DAZAP1: variants seen among roughly 807,000 people sequenced by gnomAD.
DAZAP1 encodes DAZ-associated protein 1.
In DAZAP1, 6 loss-of-function variants were observed where a neutral mutation model predicts 60.1. The observed-to-expected ratio is 0.10, with a 90% CI of 0.05 to 0.20. The LOEUF (loss-of-function observed/expected upper bound fraction) is 0.20. Among genes scored for constraint, DAZAP1 ranks in the 10% least tolerant of loss-of-function variants. The pLI, the probability that DAZAP1 is intolerant of heterozygous loss-of-function variation, is 1.00. For missense variants in DAZAP1, 366 were observed against 560.4 expected, an observed-to-expected ratio of 0.65 and a Z score of 3.50; for synonymous variants, 235 against 215.9, an observed-to-expected ratio of 1.09 and a Z score of -0.78.
Position 1,413,199 on chromosome 19 carries a change from C to T in DAZAP1, c.30-4301C>T, listed in dbSNP as rs574225394. Among the ~76,000 whole-genome samples the T allele has an allele frequency of 5.3e-5, 8 of 152,356 alleles. No homozygotes were observed. The South Asian group carries it at 1.7e-3, about 32-fold the overall frequency. On this transcript the variant is annotated intron_variant, in intron 1 of 11. Transcript: ENST00000233078. ...GAGCTGAGGACAAGCGGACCGCCAGCCCCGTAGCAAGCCCACGAGAGCCAG... is the reference window on the plus strand; with the variant it reads ...GAGCTGAGGACAAGCGGACCGCCAGTCCCGTAGCAAGCCCACGAGAGCCAG...
rs1433187642 is a variant in DAZAP1, at chr19:1,433,372, C to T, written c.1048+682C>T. 1 of 284,512 alleles carries T rather than the reference C, an allele frequency of 3.5e-6. No homozygotes were observed. Among genetic ancestry groups the T allele is most frequent in the African/African-American group, 2.2e-5 (1 of 44,970 alleles). 17.6% of individuals were successfully genotyped at this position (284,512 alleles called of 1,614,324 possible). ...GGGCTCCAACTACGGTCAGCTCCTCCAGCACCAGGGGTCATTCACAAGCAG... is the reference window on the plus strand; with the variant it reads ...GGGCTCCAACTACGGTCAGCTCCTCTAGCACCAGGGGTCATTCACAAGCAG... On this transcript the variant is annotated intron_variant, in intron 11 of 11. Coordinates refer to ENST00000233078, the MANE Select transcript of DAZAP1 (RefSeq NM_018959.4). This position sits in a 1 kb window ranked among gnomAD's most constrained non-coding sequence, Gnocchi z 6.1.
chr19:1,418,566 C>CT lies in DAZAP1; in HGVS notation c.238-100_238-99insT. ...GGTGAATGGAGCCGGCGGGGCGGGG[C>CT]GGGCCGGGCTGCTGTGCCGTGGCTG... On this transcript the variant is annotated intron_variant, in intron 3 of 11. Coordinates refer to ENST00000233078, the MANE Select transcript of DAZAP1 (RefSeq NM_018959.4). The surrounding 1 kb of genome is among the most constrained non-coding windows in gnomAD (Gnocchi z 5.7). 1 of 1,502,916 alleles carries CT rather than the reference C, an allele frequency of 6.7e-7. No individual in the cohort carries two copies. The highest frequency in any genetic ancestry group is 9.2e-7 in the Non-Finnish European group (1 of 1,082,732). The allele number at this position is 1,502,916 out of a possible 1,614,324, so 93.1% of individuals were successfully genotyped here.
At chr19:1,430,559 A>G (rs894825813) in intron 10 of DAZAP1, among the ~76,000 whole-genome samples, 197 bp downstream of exon 10, 1 of 152,106 alleles carries the variant, frequency 6.6e-6, no homozygotes, top group African/African-American at 2.4e-5. Flanking sequence ...TGGTTAGGCT[A>G]AAGGGCAGCC....
intron 1 of DAZAP1, among the ~76,000 whole-genome samples, chr19:1,411,973 G>T (rs139721802): frequency 2.3e-4 from 35 of 152,370 alleles, no homozygotes; most frequent in Non-Finnish European, 4.9e-4. Context: ...AGGGCTTTTG[G>T]CAGAGGCCAG....
chr19:1,407,715 C>T lies in DAZAP1; in HGVS notation c.-59C>T. ...GGAGGGCGACGGAGCGGGTGACCTT[C>T]CGGAGGCGGGAGCGAGCGAGGAGGC... On this transcript the variant is annotated 5_prime_UTR_variant, in exon 1 of 12. Coordinates refer to ENST00000233078, the MANE Select transcript of DAZAP1 (RefSeq NM_018959.4). 9.4e-7 allele frequency: 1 copy of T among 1,061,070 alleles called. No homozygotes were observed. The highest frequency in any genetic ancestry group is 4.1e-5 in the South Asian group (1 of 24,240). 65.7% of individuals were successfully genotyped at this position (1,061,070 alleles called of 1,614,324 possible). A position where few individuals can be genotyped will look rare whatever the true frequency, so the allele number is the denominator to read the frequency against.
chr19:1,431,195 C>T (rs916432989), intron 10 of DAZAP1, among the ~76,000 whole-genome samples: 1 of 151,586 alleles, frequency 6.6e-6, no homozygotes, highest in Non-Finnish European at 1.5e-5. Context: ...GTGGCGCCAT[C>T]TCGGCTTACT....
intron 4 of DAZAP1, 53 bp from the exon 5 acceptor site, chr19:1,421,095 G>T: frequency 6.4e-7 from 1 of 1,551,610 alleles, no homozygotes; most frequent in South Asian, 1.1e-5. Flanking sequence ...GCAGCTCGCG[G>T]GAGGGTTTGG....
Position 1,422,536 on chromosome 19 carries a change from A to C in DAZAP1, c.463+140A>C. 1 of 709,936 alleles carries C rather than the reference A, an allele frequency of 1.4e-6. No homozygotes were observed. The highest frequency in any genetic ancestry group is 2.4e-6 in the Non-Finnish European group (1 of 415,768). 44.0% of individuals were successfully genotyped at this position (709,936 alleles called of 1,614,324 possible). A position where few individuals can be genotyped will look rare whatever the true frequency, so the allele number is the denominator to read the frequency against. ...GGACGATTTGGAGACAAATGACTAA[A>C]ACGTGGGCTCCTCATGTGCACCCCA... is the stretch of plus-strand genomic sequence containing the variant. On this transcript the variant is annotated intron_variant, in intron 6 of 11. Coordinates refer to ENST00000233078, the MANE Select transcript of DAZAP1 (RefSeq NM_018959.4). The surrounding 1 kb of genome is among the most constrained non-coding windows in gnomAD (Gnocchi z 4.5).
In DAZAP1 at chr19:1,418,052, C is replaced by G; in HGVS notation, c.71-152C>G. 1 of 724,972 alleles carries G rather than the reference C, an allele frequency of 1.4e-6. No individual in the cohort carries two copies. The highest frequency in any genetic ancestry group is 2.3e-6 in the Non-Finnish European group (1 of 441,954). The allele number at this position is 724,972 out of a possible 1,614,324, so 44.9% of individuals were successfully genotyped here. ...TCAAGTGTGTGTTGGGCAGAATTCCCCAGCGCTTCCCGTACACCCCCCACC... is the reference window on the plus strand; with the variant it reads ...TCAAGTGTGTGTTGGGCAGAATTCCGCAGCGCTTCCCGTACACCCCCCACC... On this transcript the variant is annotated intron_variant, in intron 2 of 11. Transcript: ENST00000233078. This position sits in a 1 kb window ranked among gnomAD's most constrained non-coding sequence, Gnocchi z 5.7.
At chr19:1,409,104 G>A (rs1456209349) in intron 1 of DAZAP1, among the ~76,000 whole-genome samples, 1 of 152,210 alleles carries the variant, frequency 6.6e-6, no homozygotes, top group Non-Finnish European at 1.5e-5. Context: ...TTCCGTTGGA[G>A]AACCAGGATG....
chr19:1,421,017 T>A, intron 4 of DAZAP1, 131 bp from the exon 5 acceptor site: 1 of 718,628 alleles, frequency 1.4e-6, no homozygotes. Context: ...TTAGCGGGCT[T>A]GTGGAGTGTT....
intron 1 of DAZAP1, among the ~76,000 whole-genome samples, chr19:1,413,129 C>G (rs1181329208): frequency 6.6e-6 from 1 of 152,212 alleles, no homozygotes; most frequent in African/African-American, 2.4e-5. Flanking sequence ...CGTTAACGTC[C>G]TCAGTCCACA....
At position 1,422,064 on chromosome 19, in the gene DAZAP1, C is replaced by G. The variant is rs568514913; in HGVS notation, c.415-284C>G. On this transcript the variant is annotated intron_variant, in intron 5 of 11. Transcript: ENST00000233078. This position sits in a 1 kb window ranked among gnomAD's most constrained non-coding sequence, Gnocchi z 4.5. The stretch of plus-strand genomic sequence containing the variant: ...GTCGGCGTTGTTGGCCCTTCATGTC[C>G]GTCAGCACACACGTGAGCGGGGCCA... 2.0e-5 allele frequency among the ~76,000 whole-genome samples: 3 copies of G among 152,282 alleles called. No individual in the cohort carries two copies. The highest frequency in any genetic ancestry group is 1.9e-4 in the East Asian group (1 of 5,186).
chr19:1,411,141 T>G (rs2082818271), intron 1 of DAZAP1, among the ~76,000 whole-genome samples: 1 of 152,196 alleles, frequency 6.6e-6, no homozygotes, highest in Non-Finnish European at 1.5e-5. Flanking sequence ...TGGGGGAGGC[T>G]GTTGCAGTGC....
At chr19:1,431,788 C>T (rs911564948) in intron 10 of DAZAP1, among the ~76,000 whole-genome samples, 3 of 152,182 alleles carry the variant, frequency 2.0e-5, no homozygotes, top group Non-Finnish European at 4.4e-5. Flanking sequence ...ACCTGCCTAG[C>T]CAGGGATTGC....
intron 1 of DAZAP1, chr19:1,415,738 A>C (rs188673422): frequency 2.0e-5 from 3 of 152,040 alleles, no homozygotes; most frequent in Admixed American, 6.6e-5. Context: ...TGAGGCCTCA[A>C]CCTAAGCCTG....
chr19:1,417,032 C>T (rs1008689129), intron 1 of DAZAP1: 2 of 192,018 alleles, frequency 1.0e-5, no homozygotes, highest in African/African-American at 2.4e-5. Context: ...TCTGTGTCCC[C>T]CCACCCCCGC....
At chr19:1,415,367 G>GTA (rs1171119234) in intron 1 of DAZAP1, among the ~76,000 whole-genome samples, 1 of 145,876 alleles carries the variant, frequency 6.9e-6, no homozygotes, top group Non-Finnish European at 1.5e-5. Flanking sequence ...GTGTGTGTGT[G>GTA]TGTGTGTGTG....
chr19:1,409,401 C>T (rs1056054548), intron 1 of DAZAP1, among the ~76,000 whole-genome samples: 16 of 152,222 alleles, frequency 1.1e-4, no homozygotes, highest in African/African-American at 3.9e-4. Context: ...CCCCTCCCTG[C>T]ATGGACACCC....
Sources: gnomAD v4.1 joint callset for allele counts (sites outside exome capture counted in the v4.1 genomes callset) on GRCh38, gnomAD v4.1.1 for gene constraint, Gnocchi (gnomAD v3.1) non-coding constraint, MANE v1.5 for transcripts, NCBI Gene and HGNC (gene_info 2026-07-23, HGNC 2026-07-21) for gene names.